Variants in IL1R2 observed in about 807,000 individuals in gnomAD.
The protein encoded by IL1R2 is interleukin-1 receptor type 2.
In IL1R2, 46 loss-of-function variants were observed where a neutral mutation model predicts 39.5. That is an observed-to-expected ratio of 1.16 (90% confidence interval 0.92 to 1.49). IL1R2 has a LOEUF of 1.49. Among genes scored for constraint, IL1R2 ranks in the 40% most tolerant of loss-of-function variants. The probability of loss-of-function intolerance (pLI) is 0.00; values close to 1 mark genes in which losing one functional copy is unlikely to be tolerated. For missense variants in IL1R2, 537 were observed against 502.0 expected (o/e 1.07, Z -0.67); for synonymous variants, 207 against 189.6 (o/e 1.09, Z -0.75).
intron 1 of IL1R2, among the ~76,000 whole-genome samples, chr2:101,998,410 T>C (rs1675691424): frequency 6.6e-6 from 1 of 152,204 alleles, no homozygotes; most frequent in Non-Finnish European, 1.5e-5. Flanking sequence ...TCTCCCTCTT[T>C]CCAATTTGCC....
chr2:102,007,984 C>G (rs895181900), intron 1 of IL1R2, among the ~76,000 whole-genome samples: 1 of 152,098 alleles, frequency 6.6e-6, no homozygotes, highest in Non-Finnish European at 1.5e-5. Flanking sequence ...ATTGGGGGTC[C>G]CAAGTTTTTA....
intron 6 of IL1R2, among the ~76,000 whole-genome samples, chr2:102,023,972 C>T (rs944353559): frequency 1.9e-4 from 29 of 150,706 alleles, no homozygotes; most frequent in Non-Finnish European, 8.8e-5. Flanking sequence ...TGGCGTGAAC[C>T]GGGGAGGCGG....
rs200366216 is a variant in IL1R2, at chr2:102,008,532, C to G, written c.-44C>G. 6 of 1,536,142 alleles carry G rather than the reference C, an allele frequency of 3.9e-6. No homozygotes were observed. In the South Asian group the frequency reaches 6.7e-5, roughly 17 times the overall value. Reference sequence around the variant, plus strand: ...TCCCCTAGGCCACGTGCTGCTGGGTCTCAGTCCTCCACTTCCCGTGTCCTC... The same window carrying G: ...TCCCCTAGGCCACGTGCTGCTGGGTGTCAGTCCTCCACTTCCCGTGTCCTC... On this transcript the variant is annotated 5_prime_UTR_variant, in exon 2 of 9. Coordinates refer to ENST00000332549, the MANE Select transcript of IL1R2 (RefSeq NM_004633.4).
chr2:102,027,067 A>G lies in IL1R2; in HGVS notation c.1030+814A>G, dbSNP rs1677787682. On this transcript the variant is annotated intron_variant, in intron 8 of 8. Coordinates refer to ENST00000332549, the MANE Select transcript of IL1R2 (RefSeq NM_004633.4). ...AGGGAATGGCACCCAACTTTCCTCC[A>G]ACTGTGCGCTGTGCACCACCAGCCT... 2.6e-5 allele frequency among the ~76,000 whole-genome samples: 4 copies of G among 152,212 alleles called. No individual in the cohort carries two copies. In the South Asian group the frequency reaches 8.3e-4, roughly 32 times the overall value.
intron 8 of IL1R2, among the ~76,000 whole-genome samples, chr2:102,026,677 G>T (rs1677765941): frequency 1.3e-5 from 2 of 152,050 alleles, no homozygotes; most frequent in African/African-American, 4.8e-5. Context: ...GCAGCTTTAG[G>T]GTCAAAGTCA....
intron 1 of IL1R2, among the ~76,000 whole-genome samples, chr2:101,993,395 A>C (rs979891762): frequency 2.0e-5 from 3 of 152,174 alleles, no homozygotes; most frequent in African/African-American, 7.2e-5. Flanking sequence ...AGTAGTATCA[A>C]GCACTCAGGA....
In IL1R2 at chr2:102,009,827, G is replaced by A; in HGVS notation, c.332+1G>A. ...CTGGCACCTACGTCTGCACTACTAG[G>A]TAAGTCTCCCTGTGCGGGGCTGGGG... On this transcript the variant is annotated splice_donor_variant, in intron 3 of 8. Coordinates refer to ENST00000332549, the MANE Select transcript of IL1R2 (RefSeq NM_004633.4). LOFTEE classifies it high-confidence loss of function. 6.2e-7 allele frequency: 1 copy of A among 1,613,904 alleles called. No homozygotes were observed. The highest frequency in any genetic ancestry group is 1.7e-5 in the Admixed American group (1 of 60,020).
chr2:102,012,550 T>C (rs1435723920), intron 3 of IL1R2, among the ~76,000 whole-genome samples: 1 of 151,896 alleles, frequency 6.6e-6, no homozygotes, highest in Non-Finnish European at 1.5e-5. Context: ...TGTGTGTGTG[T>C]GTGTGTGCAT....
At chr2:101,997,957 G>T (rs1675670648) in intron 1 of IL1R2, among the ~76,000 whole-genome samples, 1 of 152,132 alleles carries the variant, frequency 6.6e-6, no homozygotes, top group Admixed American at 6.5e-5. Context: ...TTCCTACCAG[G>T]AAGGAACTTC....
chr2:102,020,268 C>T (rs1003663867), intron 5 of IL1R2, among the ~76,000 whole-genome samples: 1 of 152,200 alleles, frequency 6.6e-6, no homozygotes, highest in African/African-American at 2.4e-5. Flanking sequence ...TTTGTCTTCC[C>T]TAAGGTGGGT....
chr2:101,995,492 G>A lies in IL1R2; in HGVS notation c.-62+3481G>A, dbSNP rs540999857. Among the ~76,000 whole-genome samples the A allele has an allele frequency of 3.9e-5, 6 of 152,270 alleles. No homozygotes were observed. The East Asian group carries it at 7.7e-4, about 20-fold the overall frequency. The stretch of plus-strand genomic sequence containing the variant: ...CTCCAGGAAGGAGCACAGCCCAAAC[G>A]ATACCTTGATTTCAGTCTGGTGGGA... On this transcript the variant is annotated intron_variant, in intron 1 of 8. Coordinates refer to ENST00000332549, the MANE Select transcript of IL1R2 (RefSeq NM_004633.4).
intron 3 of IL1R2, among the ~76,000 whole-genome samples, chr2:102,012,263 T>A (rs3218874): frequency 6.6e-6 from 1 of 152,094 alleles, no homozygotes; most frequent in Non-Finnish European, 1.5e-5. Context: ...GCCTCTCTCT[T>A]CAGCTGCTTC....
intron 8 of IL1R2, 102 bp downstream of exon 8, chr2:102,026,355 T>A: frequency 1.1e-6 from 1 of 950,184 alleles, no homozygotes; most frequent in Non-Finnish European, 1.5e-6. Flanking sequence ...TCCATAGAAA[T>A]TCCCTTGCAT....
intron 1 of IL1R2, among the ~76,000 whole-genome samples, chr2:102,005,342 A>G (rs547846500): frequency 6.6e-6 from 1 of 152,334 alleles, no homozygotes; most frequent in South Asian, 2.1e-4. Flanking sequence ...ATAGTTGAGT[A>G]TCAGAAAGAA....
chr2:101,995,456 A>C (rs996382080), intron 1 of IL1R2, among the ~76,000 whole-genome samples: 6 of 152,196 alleles, frequency 3.9e-5, no homozygotes, highest in African/African-American at 1.4e-4. Flanking sequence ...GGCTTGGAAC[A>C]GGAACCTGTG....
intron 1 of IL1R2, among the ~76,000 whole-genome samples, chr2:102,008,044 G>A (rs754907467): frequency 3.3e-5 from 5 of 152,216 alleles, no homozygotes; most frequent in Non-Finnish European, 5.9e-5. Context: ...CTGGAGAGGG[G>A]AGACAAGGCT....
intron 1 of IL1R2, among the ~76,000 whole-genome samples, chr2:101,992,269 A>G (rs1158383934): frequency 9.9e-5 from 15 of 150,844 alleles, no homozygotes; most frequent in Admixed American, 9.9e-4. Context: ...AGAGAGACAG[A>G]GAGAGACAGA....
chr2:102,007,179 G>A (rs1471590342), intron 1 of IL1R2, among the ~76,000 whole-genome samples: 1 of 152,180 alleles, frequency 6.6e-6, no homozygotes, highest in Admixed American at 6.5e-5. Flanking sequence ...GAACACTTGT[G>A]ATAGTGTGAG....
chr2:102,019,762 A>C lies in IL1R2; in HGVS notation c.638A>C (p.His213Pro). 1 of 1,614,214 alleles carries C rather than the reference A, an allele frequency of 6.2e-7. No individual in the cohort carries two copies. Among genetic ancestry groups the C allele is most frequent in the Non-Finnish European group, 8.5e-7 (1 of 1,180,030 alleles). The change falls in exon 5 of 9, where the codon CAT (histidine) becomes CCT (proline). Residue 213 changes from histidine to proline, a missense_variant. Transcript: ENST00000332549. Reference sequence around the variant, plus strand: ...TACCGCTGTGTCCTGACATTTGCCCATGAAGGCCAGCAATACAACATCACT... The same window carrying C: ...TACCGCTGTGTCCTGACATTTGCCCCTGAAGGCCAGCAATACAACATCACT... ...GYYRCVLTFA[H>P]EGQQYNITRS...
Sources: gnomAD v4.1 joint callset for allele counts (sites outside exome capture counted in the v4.1 genomes callset) on GRCh38, gnomAD v4.1.1 for gene constraint, MANE v1.5 for transcripts, NCBI Gene and HGNC (gene_info 2026-07-23, HGNC 2026-07-21) for gene names.